Variants in CACNA2D1 observed in about 807,000 individuals in gnomAD.
CACNA2D1 encodes the protein calcium voltage-gated channel auxiliary subunit alpha2delta 1.
A neutral mutation model predicts 171.5 loss-of-function variants in CACNA2D1; 53 were observed. The ratio of observed to expected loss-of-function variants is 0.31; its 90% confidence interval spans 0.25 to 0.39. The LOEUF (loss-of-function observed/expected upper bound fraction) is 0.39. Among genes scored for constraint, CACNA2D1 ranks in the 10% least tolerant of loss-of-function variants. The pLI is 1.00. For missense variants in CACNA2D1, 903 were observed against 1,299.8 expected, an observed-to-expected ratio of 0.69 and a Z score of 4.69; for synonymous variants, 442 against 443.1, an observed-to-expected ratio of 1.00 and a Z score of 0.03.
chr7:81,977,778 G>A (rs1320734912), intron 24 of CACNA2D1, among the ~76,000 whole-genome samples: 1 of 151,984 alleles, frequency 6.6e-6, no homozygotes, highest in Non-Finnish European at 1.5e-5. Context: ...CACAGCAAAA[G>A]AAACTATCAT....
chr7:81,998,232 T>C (rs1481721323), intron 18 of CACNA2D1, among the ~76,000 whole-genome samples: 4 of 152,004 alleles, frequency 2.6e-5, no homozygotes, highest in African/African-American at 7.2e-5. Context: ...AATTTCATAA[T>C]TGCAAAATTT....
intron 6 of CACNA2D1, among the ~76,000 whole-genome samples, chr7:82,090,539 T>C (rs1811034505): frequency 6.6e-6 from 1 of 152,086 alleles, no homozygotes; most frequent in African/African-American, 2.4e-5. Context: ...ATTTAAACTA[T>C]TGTTACTAAT....
chr7:82,142,857 C>T (rs192748406), intron 4 of CACNA2D1, among the ~76,000 whole-genome samples: 35 of 152,280 alleles, frequency 2.3e-4, no homozygotes, highest in Non-Finnish European at 2.9e-5. Flanking sequence ...CCAACATCTA[C>T]ACTGTTTAGC....
chr7:82,146,399 GAT>G (rs1225617801), intron 4 of CACNA2D1, among the ~76,000 whole-genome samples: 8 of 136,276 alleles, frequency 5.9e-5, no homozygotes, highest in African/African-American at 1.6e-4. Context: ...TATATATAAA[GAT>G]ATATATTTAT....
chr7:81,950,146 A>G lies in CACNA2D1; in HGVS notation c.*246T>C. 5 of 555,510 alleles carry G rather than the reference A, an allele frequency of 9.0e-6. No homozygotes were observed. The South Asian group carries it at 1.0e-4, about 11-fold the overall frequency. The allele number at this position is 555,510 out of a possible 1,614,324, so 34.4% of individuals were successfully genotyped here. On this transcript the variant is annotated 3_prime_UTR_variant, in exon 39 of 39. Coordinates refer to ENST00000356860, the MANE Select transcript of CACNA2D1 (RefSeq NM_000722.4). ...ACTCCCAAATTTTCCAATAGAGGAC[A>G]CGTATAGGATTTTGCTTTGATGTTA...
Position 82,421,745 on chromosome 7 carries a change from AC to A in CACNA2D1, c.95+21619del, listed in dbSNP as rs1294991979. Reference sequence around the variant, plus strand: ...ACAGGGCTTGCTCAGAACTCATCAGACCACAGATGCGCCTTAATTCACCATC... The same window carrying A: ...ACAGGGCTTGCTCAGAACTCATCAGACACAGATGCGCCTTAATTCACCATC... On this transcript the variant is annotated intron_variant, in intron 1 of 38. Coordinates refer to ENST00000356860, the MANE Select transcript of CACNA2D1 (RefSeq NM_000722.4). 4.6e-5 allele frequency among the ~76,000 whole-genome samples: 7 copies of A among 152,314 alleles called. No individual in the cohort carries two copies. The South Asian group carries it at 1.4e-3, about 32-fold the overall frequency.
At chr7:82,380,455 C>A (rs10808299) in intron 1 of CACNA2D1, among the ~76,000 whole-genome samples, 63,438 of 151,638 alleles carry the variant, frequency 0.42, 13,621 homozygotes, top group East Asian at 0.56. Context: ...TGAGTGATTC[C>A]AAACTATTAT....
At chr7:82,214,731 C>T (rs150377388) in intron 3 of CACNA2D1, among the ~76,000 whole-genome samples, 1 of 152,136 alleles carries the variant, frequency 6.6e-6, no homozygotes, top group South Asian at 2.1e-4. Flanking sequence ...TACAATGTAT[C>T]AAAATTATTA....
At chr7:82,316,612 A>C (rs1815150323) in intron 3 of CACNA2D1, among the ~76,000 whole-genome samples, 1 of 152,210 alleles carries the variant, frequency 6.6e-6, no homozygotes, top group Non-Finnish European at 1.5e-5. Flanking sequence ...TAACATATAA[A>C]TCAAAATATC....
intron 8 of CACNA2D1, among the ~76,000 whole-genome samples, chr7:82,066,122 C>T (rs563739610): frequency 6.6e-6 from 1 of 152,214 alleles, no homozygotes; most frequent in African/African-American, 2.4e-5. Context: ...CCTACTCTAT[C>T]TCATCTCTCT....
chr7:82,265,207 T>C (rs950317582), intron 3 of CACNA2D1, among the ~76,000 whole-genome samples: 10 of 152,176 alleles, frequency 6.6e-5, no homozygotes, highest in African/African-American at 2.4e-4. Context: ...AAAAACATCT[T>C]TTAATTGCAT....
chr7:82,080,814 T>C (rs1040624777), intron 7 of CACNA2D1, among the ~76,000 whole-genome samples: 12 of 152,228 alleles, frequency 7.9e-5, no homozygotes, highest in African/African-American at 2.9e-4. Context: ...TTCAGTTTCC[T>C]TGTCAACTCA....
chr7:82,038,296 T>A lies in CACNA2D1; in HGVS notation c.880-61A>T, dbSNP rs946937736. On this transcript the variant is annotated intron_variant, in intron 10 of 38. Transcript: ENST00000356860. ...ATTAAAATCAACCATATAGTTTTCA[T>A]AGAATTTGTGTTTGATACTCCTAAA... The A allele has an allele frequency of 4.1e-6, 6 of 1,465,938 alleles. No homozygotes were observed. The Admixed American group carries it at 1.0e-4, about 25-fold the overall frequency. 90.8% of individuals were successfully genotyped at this position (1,465,938 alleles called of 1,614,324 possible). A position where few individuals can be genotyped will look rare whatever the true frequency, so the allele number is the denominator to read the frequency against.
chr7:82,374,737 A>G (rs1368639253), intron 1 of CACNA2D1, among the ~76,000 whole-genome samples: 1 of 151,224 alleles, frequency 6.6e-6, no homozygotes, highest in East Asian at 1.9e-4. Context: ...CAAAGCACAT[A>G]CCTGCTTTGA....
chr7:81,976,861 TA>T (rs964492842), intron 24 of CACNA2D1, among the ~76,000 whole-genome samples: 6 of 151,188 alleles, frequency 4.0e-5, no homozygotes, highest in South Asian at 2.1e-4. Flanking sequence ...TCTCAAAAAA[TA>T]AAAAAAAAGG....
Position 82,332,565 on chromosome 7 carries a change from AGAAC to A in CACNA2D1, c.294+2566_294+2569del, listed in dbSNP as rs1413144878. On this transcript the variant is annotated intron_variant, in intron 3 of 38. Transcript: ENST00000356860. ...AAGAAAGAAAGAAAGAAAGAAAGAA[AGAAC>A]GAACAGAAAATTTTTGAGGGTCAAG... is the stretch of plus-strand genomic sequence containing the variant. Among the ~76,000 whole-genome samples the A allele has an allele frequency of 5.1e-3, 562 of 109,278 alleles. 9 individuals are homozygous for A. The highest frequency in any genetic ancestry group is 0.016 in the African/African-American group (518 of 33,254). 71.7% of individuals were successfully genotyped at this position (109,278 alleles called of 152,430 possible).
At chr7:82,357,996 T>C (rs1820656564) in intron 1 of CACNA2D1, among the ~76,000 whole-genome samples, 1 of 152,160 alleles carries the variant, frequency 6.6e-6, no homozygotes, top group Non-Finnish European at 1.5e-5. Flanking sequence ...AAGAAATCGT[T>C]TATTTTTAAC....
chr7:82,146,740 A>G (rs1266565923), intron 4 of CACNA2D1, among the ~76,000 whole-genome samples: 1 of 150,964 alleles, frequency 6.6e-6, no homozygotes, highest in Non-Finnish European at 1.5e-5. Flanking sequence ...TAATCCCAGC[A>G]CTCTGGGAGG....
intron 1 of CACNA2D1, among the ~76,000 whole-genome samples, chr7:82,442,090 A>G (rs1830547659): frequency 6.6e-6 from 1 of 152,244 alleles, no homozygotes; most frequent in African/African-American, 2.4e-5. Flanking sequence ...TAACTCAATG[A>G]CAACAAAAAT....
Sources: gnomAD v4.1 joint callset for allele counts (sites outside exome capture counted in the v4.1 genomes callset) on GRCh38, gnomAD v4.1.1 for gene constraint, MANE v1.5 for transcripts, NCBI Gene and HGNC (gene_info 2026-07-23, HGNC 2026-07-21) for gene names.